Variants in ADAM23 observed in about 807,000 individuals in gnomAD.
ADAM23 encodes ADAM metallopeptidase domain 23, also known as disintegrin and metalloproteinase domain-containing protein 23.
In ADAM23, 33 loss-of-function variants were observed where a neutral mutation model predicts 120.1. That is an observed-to-expected ratio of 0.27 (90% CI 0.21 to 0.37). ADAM23 has a LOEUF of 0.37. Among genes scored for constraint, ADAM23 ranks in the 10% least tolerant of loss-of-function variants. ADAM23 has a pLI of 1.00. For synonymous variants in ADAM23, 367 were observed against 375.2 expected (o/e 0.98, Z 0.25); for missense variants, 862 against 1,058.2 (o/e 0.81, Z 2.57).
intron 2 of ADAM23, among the ~76,000 whole-genome samples, chr2:206,459,256 G>A (rs555906967): frequency 2.0e-5 from 3 of 152,252 alleles, no homozygotes; most frequent in Admixed American, 6.5e-5. Flanking sequence ...AGATGATGCC[G>A]TCTTATTACT....
intron 3 of ADAM23, among the ~76,000 whole-genome samples, chr2:206,528,440 T>C (rs1696984396): frequency 1.3e-5 from 2 of 152,154 alleles, no homozygotes; most frequent in Non-Finnish European, 2.9e-5. Context: ...TCAGTACACA[T>C]TTGGTTTGTG....
intron 2 of ADAM23, among the ~76,000 whole-genome samples, chr2:206,480,845 A>G (rs1390136704): frequency 6.6e-6 from 1 of 152,214 alleles, no homozygotes; most frequent in Non-Finnish European, 1.5e-5. Context: ...GAGCACTGAC[A>G]TGATTTTTCA....
chr2:206,600,811 A>G (rs1698626386), intron 24 of ADAM23, among the ~76,000 whole-genome samples: 1 of 152,192 alleles, frequency 6.6e-6, no homozygotes, highest in South Asian at 2.1e-4. Flanking sequence ...AACTATTGAA[A>G]GACAAGAAAT....
chr2:206,514,533 C>T (rs1696691651), intron 3 of ADAM23, among the ~76,000 whole-genome samples: 2 of 152,212 alleles, frequency 1.3e-5, no homozygotes, highest in Admixed American at 6.5e-5. Flanking sequence ...GAGATGGAAT[C>T]TACTGCTGGT....
chr2:206,513,047 C>G (rs1482995919), intron 3 of ADAM23, among the ~76,000 whole-genome samples: 1 of 152,100 alleles, frequency 6.6e-6, no homozygotes, highest in Non-Finnish European at 1.5e-5. Context: ...CTGGCCATTC[C>G]CCTTCTCTCT....
intron 24 of ADAM23, chr2:206,606,661 T>A (rs1355071584): frequency 1.3e-5 from 2 of 152,206 alleles, no homozygotes; most frequent in African/African-American, 4.8e-5. Context: ...ATGCTTTGAT[T>A]TAGGGTGCTC....
rs1363432938 is a variant in ADAM23, at chr2:206,618,485, GAGAT to G, written c.*860_*863del. ...CACATCATTTTCACTTGTCTGTATT[GAGAT>G]ATTTTCCTTGTAAAGGTTCTCTGTA... is the stretch of plus-strand genomic sequence containing the variant. On this transcript the variant is annotated 3_prime_UTR_variant, in exon 26 of 26. Coordinates refer to ENST00000264377, the MANE Select transcript of ADAM23 (RefSeq NM_003812.4). 1 of 152,172 alleles carries G rather than the reference GAGAT, an allele frequency of 6.6e-6. No homozygotes were observed. The highest frequency in any genetic ancestry group is 1.5e-5 in the Non-Finnish European group (1 of 68,042). The allele number at this position is 152,172 out of a possible 1,614,324, so 9.4% of individuals were successfully genotyped here. A position where few individuals can be genotyped will look rare whatever the true frequency, so the allele number is the denominator to read the frequency against.
intron 3 of ADAM23, 50 bp from the exon 4 acceptor site, chr2:206,530,835 C>A (rs1697044179): frequency 1.9e-6 from 3 of 1,544,068 alleles, no homozygotes; most frequent in Non-Finnish European, 8.9e-7. Flanking sequence ...TGTTTTTAAA[C>A]CTCCAAGTGT....
At chr2:206,449,040 C>G (rs1030281479) in intron 2 of ADAM23, among the ~76,000 whole-genome samples, 14 of 152,104 alleles carry the variant, frequency 9.2e-5, no homozygotes, top group African/African-American at 3.1e-4. Flanking sequence ...GGCCTTCAAC[C>G]AGTGGATCTG....
chr2:206,563,126 A>C (rs1697802931), intron 13 of ADAM23, among the ~76,000 whole-genome samples: 1 of 152,212 alleles, frequency 6.6e-6, no homozygotes, highest in Admixed American at 6.5e-5. Flanking sequence ...GACAGTGGGC[A>C]ACGACCTAAT....
chr2:206,604,076 C>G (rs1322280102), intron 24 of ADAM23, among the ~76,000 whole-genome samples: 1 of 151,930 alleles, frequency 6.6e-6, no homozygotes, highest in Non-Finnish European at 1.5e-5. Context: ...ACCAGCCTGG[C>G]CAATATGGTG....
At chr2:206,607,927 T>C (rs1305967950) in intron 24 of ADAM23, 3 of 421,976 alleles carry the variant, frequency 7.1e-6, no homozygotes, top group Non-Finnish European at 1.4e-5. Context: ...GGAATCATTT[T>C]TCATGAATTA....
chr2:206,465,204 A>C (rs1470445657), intron 2 of ADAM23, among the ~76,000 whole-genome samples: 2 of 151,840 alleles, frequency 1.3e-5, no homozygotes, highest in African/African-American at 4.8e-5. Flanking sequence ...ATGCCTGGCT[A>C]TTTTTTTCTA....
At chr2:206,533,291 T>G (rs1476929359) in intron 4 of ADAM23, among the ~76,000 whole-genome samples, 1 of 152,148 alleles carries the variant, frequency 6.6e-6, no homozygotes, top group Non-Finnish European at 1.5e-5. Context: ...AACCTCCACC[T>G]TCTGGTTTCA....
In ADAM23 at chr2:206,587,508, A is replaced by AT. The variant is rs555079130; in HGVS notation, c.1788+136dup. On this transcript the variant is annotated intron_variant, in intron 19 of 25. Coordinates refer to ENST00000264377, the MANE Select transcript of ADAM23 (RefSeq NM_003812.4). ...AGTAAATTATTATAGTGGGATTCTA[A>AT]TTTAGAGTTGCTTCATGTTATGCCA... The AT allele has an allele frequency of 9.9e-4, 607 of 615,224 alleles. 2 individuals are homozygous for AT. The African/African-American group carries it at 0.01, about 11-fold the overall frequency. The allele number at this position is 615,224 out of a possible 1,614,324, so 38.1% of individuals were successfully genotyped here. A position where few individuals can be genotyped will look rare whatever the true frequency, so the allele number is the denominator to read the frequency against.
At chr2:206,589,140 A>G (rs1263084104) in intron 20 of ADAM23, among the ~76,000 whole-genome samples, 1 of 152,216 alleles carries the variant, frequency 6.6e-6, no homozygotes, top group Non-Finnish European at 1.5e-5. Context: ...TTCTCAGGCT[A>G]AAAACAGTGT....
intron 3 of ADAM23, among the ~76,000 whole-genome samples, chr2:206,503,600 G>T (rs957800329): frequency 6.6e-6 from 1 of 152,136 alleles, no homozygotes; most frequent in Non-Finnish European, 1.5e-5. Context: ...AACTGAGATT[G>T]ATGGAAGGGC....
chr2:206,544,544 T>TA (rs1697355829), intron 6 of ADAM23, among the ~76,000 whole-genome samples: 1 of 152,046 alleles, frequency 6.6e-6, no homozygotes, highest in South Asian at 2.1e-4. Context: ...AATAAGTAAT[T>TA]ACATGTGGTA....
intron 3 of ADAM23, among the ~76,000 whole-genome samples, chr2:206,494,737 C>T (rs1696202987): frequency 6.6e-6 from 1 of 152,138 alleles, no homozygotes; most frequent in Admixed American, 6.5e-5. Context: ...CTCAACCTGA[C>T]ACAGCTTTAA....
Sources: allele counts gnomAD v4.1 joint callset (sites outside exome capture counted in the v4.1 genomes callset), GRCh38; gene constraint gnomAD v4.1.1; transcripts MANE v1.5; gene names NCBI Gene and HGNC (gene_info 2026-07-23, HGNC 2026-07-21).